NPAS3: variants seen among roughly 807,000 people sequenced by gnomAD.
The protein encoded by NPAS3 is neuronal PAS domain protein 3, also known as neuronal PAS domain-containing protein 3.
In NPAS3, 14 loss-of-function variants were observed where a neutral mutation model predicts 73.1. The observed-to-expected ratio is 0.19, with a 90% CI of 0.13 to 0.30. The LOEUF is 0.30. Ranked by LOEUF, NPAS3 falls within the 10% of genes least tolerant of loss-of-function variation. NPAS3 has a pLI of 1.00. For synonymous variants in NPAS3, 620 were observed against 541.5 expected, an observed-to-expected ratio of 1.14 and a Z score of -2.01; for missense variants, 1,096 against 1,250.0, an observed-to-expected ratio of 0.88 and a Z score of 1.86.
chr14:33,318,568 G>T (rs1344853819), intron 3 of NPAS3, among the ~76,000 whole-genome samples: 1 of 152,062 alleles, frequency 6.6e-6, no homozygotes, highest in Non-Finnish European at 1.5e-5. Flanking sequence ...AAAAATGTGT[G>T]TATGTGTTCA....
intron 3 of NPAS3, among the ~76,000 whole-genome samples, chr14:33,251,852 A>T (rs1050575605): frequency 3.3e-5 from 5 of 152,088 alleles, no homozygotes; most frequent in Non-Finnish European, 5.9e-5. Flanking sequence ...TGCATTCTAA[A>T]TTGAAATTTT....
At chr14:33,674,998 G>C (rs2140330892) in intron 5 of NPAS3, among the ~76,000 whole-genome samples, 1 of 152,270 alleles carries the variant, frequency 6.6e-6, no homozygotes. Context: ...CACGCAGGTG[G>C]AATCTGGAGG....
intron 5 of NPAS3, among the ~76,000 whole-genome samples, chr14:33,603,555 TAAAG>T (rs1432269296): frequency 4.0e-5 from 6 of 151,844 alleles, no homozygotes; most frequent in African/African-American, 7.3e-5. Flanking sequence ...CAATCAGTAA[TAAAG>T]AGAAAGAGCA....
intron 1 of NPAS3, 85 bp from the exon 2 acceptor site, chr14:33,055,819 TG>T: frequency 1.4e-6 from 1 of 714,074 alleles, no homozygotes; most frequent in Non-Finnish European, 2.5e-6. Flanking sequence ...CAAAATATAT[TG>T]AATTTCAACA....
At chr14:33,436,897 T>A (rs180908622) in intron 4 of NPAS3, among the ~76,000 whole-genome samples, 2 of 152,228 alleles carry the variant, frequency 1.3e-5, no homozygotes, top group African/African-American at 2.4e-5. Context: ...TCTTCCTTAT[T>A]GAAATTCTAG....
chr14:33,454,228 T>C (rs2139418707), intron 4 of NPAS3, among the ~76,000 whole-genome samples: 1 of 152,370 alleles, frequency 6.6e-6, no homozygotes, highest in South Asian at 2.1e-4. Context: ...GTCAGCTTTA[T>C]ACAATTTGTT....
At chr14:33,457,027 A>T (rs938001181) in intron 4 of NPAS3, among the ~76,000 whole-genome samples, 2 of 152,210 alleles carry the variant, frequency 1.3e-5, no homozygotes, top group African/African-American at 4.8e-5. Flanking sequence ...ATCAGGAGGC[A>T]ATACGGTTCA....
chr14:33,070,099 A>C (rs1461838627), intron 2 of NPAS3, among the ~76,000 whole-genome samples: 1 of 152,222 alleles, frequency 6.6e-6, no homozygotes, highest in African/African-American at 2.4e-5. Flanking sequence ...AATGTGTATT[A>C]AAATGAGAAA....
At chr14:33,137,907 G>A (rs528165691) in intron 2 of NPAS3, among the ~76,000 whole-genome samples, 3 of 152,194 alleles carry the variant, frequency 2.0e-5, no homozygotes, top group South Asian at 4.2e-4. Flanking sequence ...TAGTTTTTGG[G>A]GAGAAAGGGA....
chr14:33,705,655 A>C (rs1221352002), intron 6 of NPAS3, among the ~76,000 whole-genome samples: 1 of 152,226 alleles, frequency 6.6e-6, no homozygotes, highest in Non-Finnish European at 1.5e-5. Flanking sequence ...CTTAGATACA[A>C]GCCACTGTGG....
chr14:33,672,320 A>T (rs962225270), intron 5 of NPAS3, among the ~76,000 whole-genome samples: 1 of 152,242 alleles, frequency 6.6e-6, no homozygotes, highest in Non-Finnish European at 1.5e-5. Flanking sequence ...TTACAATGCC[A>T]TTATACTAAC....
chr14:33,205,795 T>C (rs1310983105), intron 2 of NPAS3, among the ~76,000 whole-genome samples: 1 of 152,206 alleles, frequency 6.6e-6, no homozygotes, highest in Non-Finnish European at 1.5e-5. Context: ...ATCTTTAAAC[T>C]TGTCAAAGCA....
upstream of NPAS3, among the ~76,000 whole-genome samples, chr14:32,936,155 T>A (rs2035688458): frequency 6.6e-6 from 1 of 152,266 alleles, no homozygotes; most frequent in Admixed American, 6.5e-5. Context: ...GTTAAGATAA[T>A]CTATCACTGC....
chr14:33,254,643 A>G (rs758579376), intron 3 of NPAS3, among the ~76,000 whole-genome samples: 36 of 152,172 alleles, frequency 2.4e-4, no homozygotes, highest in Non-Finnish European at 4.4e-4. Flanking sequence ...TGAGGCAACC[A>G]GTTATAAAAG....
chr14:33,702,332 T>G (rs1290626600), intron 6 of NPAS3, among the ~76,000 whole-genome samples: 1 of 152,234 alleles, frequency 6.6e-6, no homozygotes. Flanking sequence ...TGGAACATAC[T>G]CCTATCATTT....
intron 3 of NPAS3, among the ~76,000 whole-genome samples, chr14:33,246,555 A>AAAG (rs1555362061): frequency 1.2e-4 from 17 of 146,322 alleles, no homozygotes; most frequent in African/African-American, 2.9e-4. Flanking sequence ...AAAAAAAAAA[A>AAAG]AAGAAGAACT....
intron 4 of NPAS3, among the ~76,000 whole-genome samples, chr14:33,465,217 G>A (rs1027699641): frequency 1.3e-5 from 2 of 152,078 alleles, no homozygotes; most frequent in Admixed American, 6.5e-5. Flanking sequence ...CGCAATAGAT[G>A]CTCAATGAAT....
chr14:33,529,140 A>G (rs1260223121), intron 4 of NPAS3, among the ~76,000 whole-genome samples: 1 of 152,114 alleles, frequency 6.6e-6, no homozygotes, highest in Non-Finnish European at 1.5e-5. Context: ...CTCAGTAGCC[A>G]TGGTTCATCC....
chr14:33,767,054 A>G (rs8007554), intron 7 of NPAS3, among the ~76,000 whole-genome samples: 18,264 of 152,218 alleles, frequency 0.12, 1,229 homozygotes, highest in East Asian at 0.22. Flanking sequence ...TCCTTCAGTT[A>G]TGAGCCGCCT....
Sources: gnomAD v4.1 joint callset for allele counts (sites outside exome capture counted in the v4.1 genomes callset) on GRCh38, gnomAD v4.1.1 for gene constraint, MANE v1.5 for transcripts, NCBI Gene and HGNC (gene_info 2026-07-23, HGNC 2026-07-21) for gene names.